PBRM1: variants seen among roughly 807,000 people sequenced by gnomAD.
PBRM1 encodes the protein polybromo 1.
Under a neutral mutation model 194.5 loss-of-function variants are expected in PBRM1, and 27 were observed. That is an observed-to-expected ratio of 0.14 (90% CI 0.10 to 0.19). The LOEUF is 0.19. Among genes scored for constraint, PBRM1 ranks in the 10% least tolerant of loss-of-function variants. The pLI, the probability that PBRM1 is intolerant of heterozygous loss-of-function variation, is 1.00. For missense variants in PBRM1, 1,466 were observed against 2,077.2 expected (o/e 0.71, Z 5.72); for synonymous variants, 655 against 693.2 (o/e 0.94, Z 0.87).
chr3:52,655,015 G>C (rs2096581953), intron 5 of PBRM1, among the ~76,000 whole-genome samples: 1 of 151,764 alleles, frequency 6.6e-6, no homozygotes, highest in Admixed American at 6.6e-5. Context: ...CAAAGCTCTG[G>C]GATTACAGGT....
At chr3:52,678,391 T>G (rs1578348587) in intron 2 of PBRM1, 109 bp downstream of exon 3, 2 of 663,960 alleles carry the variant, frequency 3.0e-6, no homozygotes, top group East Asian at 5.2e-5. Context: ...TGGACCCCAG[T>G]ATCATTTAAG....
intron 6 of PBRM1, among the ~76,000 whole-genome samples, 184 bp from the exon 8 acceptor site, chr3:52,648,626 A>C (rs2096396738): frequency 6.6e-6 from 1 of 152,246 alleles, no homozygotes; most frequent in Non-Finnish European, 1.5e-5. Flanking sequence ...CCCATTTATA[A>C]GTAAGTTTTT....
chr3:52,566,074 A>C (rs750950131), intron 22 of PBRM1, among the ~76,000 whole-genome samples: 1 of 152,064 alleles, frequency 6.6e-6, no homozygotes, highest in Non-Finnish European at 1.5e-5. Flanking sequence ...CAAAACAAAA[A>C]AAACACAATG....
intron 2 of PBRM1, among the ~76,000 whole-genome samples, chr3:52,674,476 T>C (rs1456122822): frequency 9.3e-6 from 1 of 107,934 alleles, no homozygotes; most frequent in African/African-American, 3.4e-5. Context: ...CGAAACTCCA[T>C]CTCAAAAAAA....
chr3:52,649,316 G>A (rs1157110251), intron 6 of PBRM1, among the ~76,000 whole-genome samples: 1 of 152,200 alleles, frequency 6.6e-6, no homozygotes, highest in Non-Finnish European at 1.5e-5. Flanking sequence ...CAGCCTGGCA[G>A]CCAGGGCAAG....
intron 2 of PBRM1, 56 bp downstream of exon 3, chr3:52,678,444 A>G: frequency 8.9e-7 from 1 of 1,123,428 alleles, no homozygotes. Flanking sequence ...ACACTTTAAT[A>G]CACATGGACT....
At chr3:52,567,703 C>A (rs997129424) in intron 22 of PBRM1, among the ~76,000 whole-genome samples, 2 of 151,608 alleles carry the variant, frequency 1.3e-5, no homozygotes, top group Non-Finnish European at 2.9e-5. Context: ...TTGATCTCAG[C>A]TCACCGCAGC....
At chr3:52,650,845 T>A (rs1292315241) in intron 6 of PBRM1, among the ~76,000 whole-genome samples, 2 of 152,198 alleles carry the variant, frequency 1.3e-5, no homozygotes, top group Non-Finnish European at 2.9e-5. Context: ...AAATACTCAA[T>A]TTCTGGTACA....
rs2094486923 is a variant in PBRM1 at position 52,609,062 on chromosome 3, C to A, written c.2567+251G>T. 5.0e-6 allele frequency: 2 copies of A among 396,532 alleles called. No individual in the cohort carries two copies. The highest frequency in any genetic ancestry group is 2.1e-5 in the African/African-American group (1 of 48,762). 24.6% of individuals were successfully genotyped at this position (396,532 alleles called of 1,614,324 possible). A position where few individuals can be genotyped will look rare whatever the true frequency, so the allele number is the denominator to read the frequency against. ...TGAAAGGCTGTATTTTAAGTTTATG[C>A]TTTTCAAGAGATTTTCAATTTTGTC... On this transcript the variant is annotated intron_variant, in intron 16 of 29. Coordinates refer to ENST00000296302, the Ensembl canonical transcript of PBRM1. This position sits in a 1 kb window ranked among gnomAD's most constrained non-coding sequence, Gnocchi z 4.1.
chr3:52,647,792 C>A (rs1341954678), intron 7 of PBRM1, among the ~76,000 whole-genome samples: 3 of 151,844 alleles, frequency 2.0e-5, no homozygotes, highest in African/African-American at 7.3e-5. Flanking sequence ...AACACAGAGA[C>A]TGAAAATAGA....
At chr3:52,555,754 T>G (rs1371594317) in intron 26 of PBRM1, among the ~76,000 whole-genome samples, 1 of 152,230 alleles carries the variant, frequency 6.6e-6, no homozygotes, top group East Asian at 1.9e-4. Context: ...TTTTATTCCT[T>G]TATTTTCAAA....
intron 4 of PBRM1, 61 bp downstream of exon 5, chr3:52,662,072 A>G: frequency 6.4e-7 from 1 of 1,555,114 alleles, no homozygotes; most frequent in Non-Finnish European, 8.8e-7. Context: ...GGGAATCACA[A>G]GCAGGGGCCC....
rs397989611 is a variant in PBRM1 at position 52,584,450 on chromosome 3, C to CTTTTTTTTTTTTTTTTTTTTTT, written c.3387+1953_3387+1974dup. Among the ~76,000 whole-genome samples, 3 of 60,750 alleles carry CTTTTTTTTTTTTTTTTTTTTTT rather than the reference C, an allele frequency of 4.9e-5. 1 individual carries two copies. Among genetic ancestry groups the CTTTTTTTTTTTTTTTTTTTTTT allele is most frequent in the African/African-American group, 2.3e-4 (3 of 12,922 alleles). 39.9% of individuals were successfully genotyped at this position (60,750 alleles called of 152,430 possible). A position where few individuals can be genotyped will look rare whatever the true frequency, so the allele number is the denominator to read the frequency against. On this transcript the variant is annotated intron_variant, in intron 20 of 29. Transcript: ENST00000296302. ...AATTATCTGCAGAAAAGTATTCTTG[C>CTTTTTTTTTTTTTTTTTTTTTT]TTTTTTTTTTTTTTTTTTTTTTTTT...
intron 15 of PBRM1, among the ~76,000 whole-genome samples, chr3:52,614,219 C>CA (rs2094815782): frequency 2.6e-5 from 4 of 151,648 alleles, no homozygotes; most frequent in Admixed American, 2.6e-4. Flanking sequence ...ACTAAAAATA[C>CA]AAAAAACTGG....
chr3:52,580,792 C>T (rs1576030164), intron 20 of PBRM1, among the ~76,000 whole-genome samples: 1 of 152,200 alleles, frequency 6.6e-6, no homozygotes, highest in African/African-American at 2.4e-5. Flanking sequence ...AGTGTGGCCA[C>T]CAGATAGGGT....
upstream of PBRM1, chr3:52,681,592 G>A: frequency 3.9e-6 from 1 of 255,448 alleles, no homozygotes; most frequent in Non-Finnish European, 6.3e-6. Flanking sequence ...TGAACATAAG[G>A]AGGGAATCTT....
At chr3:52,603,460 T>C in intron 17 of PBRM1, 61 bp downstream of exon 19, 2 of 1,525,346 alleles carry the variant, frequency 1.3e-6, no homozygotes, top group Non-Finnish European at 1.8e-6. Flanking sequence ...CACAGCTAAT[T>C]ATGAGAACAC....
At chr3:52,661,938 A>G (rs1438793511) in intron 4 of PBRM1, among the ~76,000 whole-genome samples, 195 bp downstream of exon 5, 1 of 152,204 alleles carries the variant, frequency 6.6e-6, no homozygotes, top group East Asian at 1.9e-4. Flanking sequence ...CACATGGCAC[A>G]CGTTGTCCAG....
intron 13 of PBRM1, among the ~76,000 whole-genome samples, chr3:52,623,738 TA>T (rs943946559): frequency 3.9e-5 from 6 of 152,180 alleles, no homozygotes; most frequent in Non-Finnish European, 7.3e-5. Flanking sequence ...GTTTTTCAGA[TA>T]AAGTTGAAAT....
Sources: allele counts gnomAD v4.1 joint callset (sites outside exome capture counted in the v4.1 genomes callset), GRCh38; gene constraint gnomAD v4.1.1; non-coding constraint Gnocchi (gnomAD v3.1); transcripts MANE v1.5; gene names NCBI Gene and HGNC (gene_info 2026-07-23, HGNC 2026-07-21).